RBFOX1: variants seen among roughly 807,000 people sequenced by gnomAD.
RBFOX1 encodes the protein RNA binding protein fox-1 homolog 1.
A neutral mutation model predicts 57.7 loss-of-function variants in RBFOX1; 8 were observed. That is an observed-to-expected ratio of 0.14 (90% CI 0.08 to 0.25). RBFOX1 has a LOEUF of 0.25. Among genes scored for constraint, RBFOX1 ranks in the 10% least tolerant of loss-of-function variants. RBFOX1 has a pLI of 1.00. For missense variants in RBFOX1, 611 were observed against 548.5 expected, an observed-to-expected ratio of 1.11 and a Z score of -1.14; for synonymous variants, 326 against 222.4, an observed-to-expected ratio of 1.47 and a Z score of -4.15.
At chr16:6,044,198 G>C (rs975862815) in intron 1 of RBFOX1, among the ~76,000 whole-genome samples, 1 of 152,142 alleles carries the variant, frequency 6.6e-6, no homozygotes, top group Non-Finnish European at 1.5e-5. Context: ...CTTGAATTAG[G>C]CTAGGCTAAA....
chr16:7,606,748 G>A (rs1281875315), intron 9 of RBFOX1, among the ~76,000 whole-genome samples: 1 of 152,166 alleles, frequency 6.6e-6, no homozygotes, highest in Admixed American at 6.5e-5. Flanking sequence ...GCATCAAAAT[G>A]TAGGCCACAG....
At chr16:6,116,165 A>G (rs1016386802) in intron 1 of RBFOX1, among the ~76,000 whole-genome samples, 2 of 152,112 alleles carry the variant, frequency 1.3e-5, no homozygotes, top group South Asian at 4.2e-4. Flanking sequence ...AAACTAACAC[A>G]GGAACAGAAA....
intron 3 of RBFOX1, among the ~76,000 whole-genome samples, chr16:7,041,478 C>T (rs1190434059): frequency 1.3e-5 from 2 of 152,104 alleles, no homozygotes. Context: ...CTTCTCAGTT[C>T]TGGGTCTGTT....
At chr16:6,815,997 C>G (rs2089983031) in intron 3 of RBFOX1, among the ~76,000 whole-genome samples, 1 of 152,160 alleles carries the variant, frequency 6.6e-6, no homozygotes, top group South Asian at 2.1e-4. Context: ...AGAAGAGTTT[C>G]TTTCTGCCTA....
chr16:5,366,085 T>C (rs975535547), intron 1 of RBFOX1: 1 of 469,766 alleles, frequency 2.1e-6, no homozygotes, highest in Admixed American at 2.2e-5. Context: ...ATACCACCAG[T>C]GCTCTTACGG....
At chr16:6,702,514 AT>A (rs1314714914) in intron 3 of RBFOX1, among the ~76,000 whole-genome samples, 1 of 151,894 alleles carries the variant, frequency 6.6e-6, no homozygotes, top group African/African-American at 2.4e-5. Flanking sequence ...AGATTGTGCC[AT>A]TGCACTCCAG....
In RBFOX1 at chr16:6,019,848, G is replaced by C; in HGVS notation, c.-271G>C. The C allele has an allele frequency of 6.5e-7, 1 of 1,530,024 alleles. No homozygotes were observed. The highest frequency in any genetic ancestry group is 2.5e-5 in the East Asian group (1 of 40,568). 94.8% of individuals were successfully genotyped at this position (1,530,024 alleles called of 1,614,324 possible). On this transcript the variant is annotated 5_prime_UTR_variant, in exon 1 of 16. Coordinates refer to ENST00000550418, the MANE Select transcript of RBFOX1 (RefSeq NM_018723.4). The surrounding 1 kb of genome is among the most constrained non-coding windows in gnomAD (Gnocchi z 4.2). ...AGGGCGGGGCTGACCTGCCCGCGAAGTTGCGGACAGTGCGTGAGAAACCAG... is the reference window on the plus strand; with the variant it reads ...AGGGCGGGGCTGACCTGCCCGCGAACTTGCGGACAGTGCGTGAGAAACCAG...
At chr16:5,334,009 A>G (rs1267156421) in intron 1 of RBFOX1, among the ~76,000 whole-genome samples, 1 of 152,228 alleles carries the variant, frequency 6.6e-6, no homozygotes, top group Non-Finnish European at 1.5e-5. Flanking sequence ...CAAGTCAAAG[A>G]TGGGTTTATT....
Position 7,075,054 on chromosome 16 carries a change from G to C in RBFOX1, c.27+22956G>C, listed in dbSNP as rs567318773. On this transcript the variant is annotated intron_variant, in intron 4 of 15. Transcript: ENST00000550418. ...CAAAGGAACTCCCCAAAGCGTAAAA[G>C]CAACATACGGCAAATTCGATAGTAG... Among the ~76,000 whole-genome samples the C allele has an allele frequency of 1.1e-3, 166 of 152,304 alleles. 2 individuals carry two copies. Among genetic ancestry groups the C allele is most frequent in the African/African-American group, 3.8e-3 (157 of 41,560 alleles).
At chr16:5,471,367 C>G (rs1362119377) in intron 2 of RBFOX1, among the ~76,000 whole-genome samples, 1 of 152,074 alleles carries the variant, frequency 6.6e-6, no homozygotes, top group Non-Finnish European at 1.5e-5. Flanking sequence ...TGCATTTCTG[C>G]CTTTTCAGTA....
intron 3 of RBFOX1, among the ~76,000 whole-genome samples, chr16:6,783,316 CT>C (rs1281139249): frequency 1.1e-3 from 161 of 141,764 alleles, no homozygotes; most frequent in African/African-American, 2.2e-3. Flanking sequence ...TTCTCTCTTC[CT>C]TTTTTTTTTT....
chr16:6,246,780 C>T (rs2097571433), intron 1 of RBFOX1, among the ~76,000 whole-genome samples: 1 of 152,268 alleles, frequency 6.6e-6, no homozygotes, highest in East Asian at 1.9e-4. Context: ...AACTCCAGTC[C>T]ATTGTAGGCT....
chr16:7,209,178 TAA>T (rs2090614594), intron 4 of RBFOX1, among the ~76,000 whole-genome samples: 1 of 135,892 alleles, frequency 7.4e-6, no homozygotes. Flanking sequence ...ATAATAATAA[TAA>T]TAATAATTGC....
At chr16:5,972,632 G>C (rs1279211902) in intron 4 of RBFOX1, among the ~76,000 whole-genome samples, 1 of 152,172 alleles carries the variant, frequency 6.6e-6, no homozygotes, top group East Asian at 1.9e-4. Flanking sequence ...GAAGGTTCAG[G>C]CACGTAATGG....
At chr16:6,656,437 A>G (rs763194590) in intron 3 of RBFOX1, among the ~76,000 whole-genome samples, 13 of 152,136 alleles carry the variant, frequency 8.5e-5, no homozygotes, top group Non-Finnish European at 1.8e-4. Context: ...AGAGTCACCC[A>G]AGCTCCACTC....
intron 3 of RBFOX1, among the ~76,000 whole-genome samples, chr16:5,803,463 TTC>T (rs1364358339): frequency 9.9e-5 from 15 of 152,208 alleles, no homozygotes; most frequent in Non-Finnish European, 2.2e-4. Flanking sequence ...ATGGCCCAGC[TTC>T]TGTTTCCTCA....
At chr16:5,785,747 G>T (rs1337895202) in intron 3 of RBFOX1, among the ~76,000 whole-genome samples, 1 of 152,042 alleles carries the variant, frequency 6.6e-6, no homozygotes, top group Admixed American at 6.6e-5. Flanking sequence ...GGTTGGTCTT[G>T]AACTCCCGAC....
At chr16:6,865,507 A>G (rs901551553) in intron 3 of RBFOX1, among the ~76,000 whole-genome samples, 2 of 152,182 alleles carry the variant, frequency 1.3e-5, no homozygotes, top group African/African-American at 4.8e-5. Flanking sequence ...TATTTAACAC[A>G]TGGTTAATGA....
chr16:5,984,946 T>TTTTATATATATATATATATA lies in RBFOX1; in HGVS notation c.351+117612_351+117613insTTATATATATATATATATAT, dbSNP rs1450037668. Among the ~76,000 whole-genome samples the TTTTATATATATATATATATA allele has an allele frequency of 2.0e-4, 14 of 69,648 alleles. 1 individual carries two copies. The South Asian group carries it at 3.2e-3, about 16-fold the overall frequency. The allele number at this position is 69,648 out of a possible 152,430, so 45.7% of individuals were successfully genotyped here. ...GGTACACCTGTATAGGGCAACTCCATTATATATATATATATATATATATAT... is the reference window on the plus strand; with the variant it reads ...GGTACACCTGTATAGGGCAACTCCATTTTATATATATATATATATATATATATATATATATATATATATAT... On this transcript the variant is annotated intron_variant, in intron 4 of 19. Coordinates refer to the RBFOX1 transcript ENST00000641259.
Sources: allele counts gnomAD v4.1 joint callset (sites outside exome capture counted in the v4.1 genomes callset), GRCh38; gene constraint gnomAD v4.1.1; non-coding constraint Gnocchi (gnomAD v3.1); transcripts MANE v1.5; gene names NCBI Gene and HGNC (gene_info 2026-07-23, HGNC 2026-07-21).